The following MASP1 variants were observed in gnomAD, a reference collection of about 807,000 sequenced individuals.
The protein encoded by MASP1 is MBL associated serine protease 1, also known as mannan-binding lectin serine protease 1.
A neutral mutation model predicts 77.1 loss-of-function variants in MASP1; 59 were observed. The ratio of observed to expected loss-of-function variants is 0.77; its 90% CI spans 0.62 to 0.95. MASP1 has a LOEUF of 0.95. MASP1 is among the 40% of genes least tolerant of loss of function. MASP1 has a pLI of 0.00. For missense variants in MASP1, 885 were observed against 912.9 expected (o/e 0.97, Z 0.39); for synonymous variants, 362 against 354.5 (o/e 1.02, Z -0.24).
At chr3:187,253,397 A>T (rs1354661090) in intron 5 of MASP1, 82 bp from the exon 6 acceptor site, 9 of 1,422,064 alleles carry the variant, frequency 6.3e-6, no homozygotes, top group Non-Finnish European at 8.9e-6. Context: ...ACACCTCTCC[A>T]CTGCACTCTG....
chr3:187,224,340 ATTT>A (rs1181826969), intron 13 of MASP1, among the ~76,000 whole-genome samples: 3 of 102,046 alleles, frequency 2.9e-5, no homozygotes, highest in African/African-American at 3.9e-5. Flanking sequence ...TGTGCTGAGT[ATTT>A]TTTTTTTTTT....
intron 2 of MASP1, among the ~76,000 whole-genome samples, chr3:187,264,486 A>T (rs1560023212): frequency 6.6e-6 from 1 of 152,128 alleles, no homozygotes; most frequent in Non-Finnish European, 1.5e-5. Flanking sequence ...AAAAAAAAAA[A>T]AGTACTTTAA....
Position 187,235,006 on chromosome 3 carries a change from C to G in MASP1, c.*678G>C, listed in dbSNP as rs943838249. 1.6e-5 allele frequency: 20 copies of G among 1,287,244 alleles called. No homozygotes were observed. The highest frequency in any genetic ancestry group is 2.0e-5 in the Non-Finnish European group (20 of 988,692). The allele number at this position is 1,287,244 out of a possible 1,614,324, so 79.7% of individuals were successfully genotyped here. A position where few individuals can be genotyped will look rare whatever the true frequency, so the allele number is the denominator to read the frequency against. Reference sequence around the variant, plus strand: ...GCTATTCTGCTCCCAGCAGTCAGCACAAACCTTCCCAACTTTCTCCATGTC... The same window carrying G: ...GCTATTCTGCTCCCAGCAGTCAGCAGAAACCTTCCCAACTTTCTCCATGTC... On this transcript the variant is annotated 3_prime_UTR_variant, in exon 11 of 11. Coordinates refer to ENST00000296280, the MANE Select transcript of MASP1 (RefSeq NM_139125.4).
At chr3:187,227,993 A>G (rs1310275498) in intron 11 of MASP1, among the ~76,000 whole-genome samples, 4 of 152,106 alleles carry the variant, frequency 2.6e-5, no homozygotes, top group Non-Finnish European at 5.9e-5. Context: ...CAGGAGGGAG[A>G]CAGAAATGAT....
At chr3:187,248,256 T>C (rs913681210) in intron 8 of MASP1, among the ~76,000 whole-genome samples, 3 of 152,188 alleles carry the variant, frequency 2.0e-5, no homozygotes, top group African/African-American at 7.2e-5. Context: ...TATTAATGTT[T>C]CCTACTTTCC....
intron 2 of MASP1, 129 bp downstream of exon 2, chr3:187,285,696 G>A: frequency 2.6e-6 from 2 of 784,228 alleles, no homozygotes; most frequent in Admixed American, 4.0e-5. Flanking sequence ...ACCTTGACCT[G>A]AATTCATACC....
intron 2 of MASP1, among the ~76,000 whole-genome samples, chr3:187,280,316 G>A (rs1717307014): frequency 6.6e-6 from 1 of 152,216 alleles, no homozygotes; most frequent in African/African-American, 2.4e-5. Flanking sequence ...ACATAAACAT[G>A]TCACAGATGC....
intron 5 of MASP1, among the ~76,000 whole-genome samples, chr3:187,255,015 G>C (rs941985796): frequency 1.3e-5 from 2 of 152,074 alleles, no homozygotes; most frequent in African/African-American, 4.8e-5. Context: ...ATTCTAGGGT[G>C]GTCCTCCTGA....
At position 187,243,486 on chromosome 3, in the gene MASP1, G is replaced by C. The variant is rs1294798412; in HGVS notation, c.1226C>G (p.Thr409Arg). 4.3e-6 allele frequency: 7 copies of C among 1,614,034 alleles called. No homozygotes were observed. In the Admixed American group the frequency reaches 1.0e-4, roughly 23 times the overall value. ...EPYYKMLNNN[T>R]GIYTCSAQGV... ...ATGGCTTAGCATGGATGGCTTACCT[G>C]TGTTATTGTTGAGCATCTTGTAATA... The change falls in exon 9 of 11, where the codon ACA (threonine) becomes AGA (arginine). Residue 409 changes from threonine (T) to arginine (R), a missense_variant and splice_region_variant. Physicochemically the swap from Thr to Arg is moderately conservative, Grantham distance 71 (BLOSUM62 -1). Transcript: ENST00000296280.
At chr3:187,248,763 G>T (rs560991909) in intron 8 of MASP1, among the ~76,000 whole-genome samples, 1 of 152,178 alleles carries the variant, frequency 6.6e-6, no homozygotes, top group South Asian at 2.1e-4. Context: ...GAAACATTTT[G>T]TTAAAGTCAT....
At chr3:187,233,097 A>T (rs142940218), downstream of MASP1, among the ~76,000 whole-genome samples, 1 of 152,252 alleles carries the variant, frequency 6.6e-6, no homozygotes, top group East Asian at 1.9e-4. Flanking sequence ...GGTCTGCACC[A>T]TCCCTCATCA....
chr3:187,275,833 A>G (rs893926855), intron 2 of MASP1, among the ~76,000 whole-genome samples: 2 of 138,968 alleles, frequency 1.4e-5, no homozygotes, highest in African/African-American at 5.5e-5. Flanking sequence ...TCCAGGGCAC[A>G]GTTTTCACAA....
At position 187,273,191 on chromosome 3, in the gene MASP1, G is replaced by A. The variant is rs538616253; in HGVS notation, c.238-10471C>T. On this transcript the variant is annotated intron_variant, in intron 2 of 10. Coordinates refer to ENST00000296280, the MANE Select transcript of MASP1 (RefSeq NM_139125.4). ...TCCATTTCACTCCTTTCCTAATCTC[G>A]CTGAAGCCATCAGCAGTGGTTTCCC... Among the ~76,000 whole-genome samples, 15 of 152,212 alleles carry A rather than the reference G, an allele frequency of 9.9e-5. No homozygotes were observed. In the South Asian group the frequency reaches 2.5e-3, roughly 25 times the overall value.
rs1419018248 is a variant in MASP1 at position 187,235,036 on chromosome 3, G to A, written c.*648C>T. Reference sequence around the variant, plus strand: ...CTTCCCAACTTTCTCCATGTCTTTTGAAATTCCTTTAATGGGGAACATAAG... The same window carrying A: ...CTTCCCAACTTTCTCCATGTCTTTTAAAATTCCTTTAATGGGGAACATAAG... On this transcript the variant is annotated 3_prime_UTR_variant, in exon 11 of 11. Coordinates refer to ENST00000296280, the MANE Select transcript of MASP1 (RefSeq NM_139125.4). The A allele has an allele frequency of 1.6e-6, 2 of 1,287,114 alleles. No individual in the cohort carries two copies. Among genetic ancestry groups the A allele is most frequent in the Non-Finnish European group, 1.0e-6 (1 of 988,710 alleles). The allele number at this position is 1,287,114 out of a possible 1,614,324, so 79.7% of individuals were successfully genotyped here.
In MASP1 at chr3:187,256,842, A is replaced by G. The variant is rs372743245; in HGVS notation, c.566T>C (p.Leu189Pro). Residue 189 changes from leucine to proline, a missense_variant, in exon 5 of 11, where the codon CTC becomes CCC. Leu to Pro is a moderately conservative substitution (Grantham distance 98). Transcript: ENST00000296280. ...RTCRVECSDNLFTQRTGVITS... is the reference protein window; with the variant it reads ...RTCRVECSDNPFTQRTGVITS... Reference sequence around the variant, plus strand: ...GATCACCCCAGTCCTTTGAGTGAAGAGGTTGTCACTGCACTCCACTGTTGG... The same window carrying G: ...GATCACCCCAGTCCTTTGAGTGAAGGGGTTGTCACTGCACTCCACTGTTGG... 1.4e-5 allele frequency: 22 copies of G among 1,613,778 alleles called. No individual in the cohort carries two copies. The highest frequency in any genetic ancestry group is 1.9e-5 in the Non-Finnish European group (22 of 1,179,946).
chr3:187,242,608 C>T (rs913729479), intron 9 of MASP1: 5 of 152,410 alleles, frequency 3.3e-5, no homozygotes, highest in African/African-American at 1.2e-4. Context: ...CCGATGGGCC[C>T]TCCTTTCTCC....
downstream of MASP1, among the ~76,000 whole-genome samples, chr3:187,230,305 C>T (rs1359238121): frequency 7.9e-5 from 12 of 152,142 alleles, no homozygotes; most frequent in Non-Finnish European, 1.5e-4. Flanking sequence ...CCAGATCTGC[C>T]AACAATCACT....
chr3:187,266,736 C>G (rs1716058426), intron 2 of MASP1, among the ~76,000 whole-genome samples: 1 of 152,144 alleles, frequency 6.6e-6, no homozygotes, highest in East Asian at 1.9e-4. Context: ...TAAGGAGAAG[C>G]CAAGAGGCTT....
chr3:187,271,521 A>C (rs1175829269), intron 2 of MASP1, among the ~76,000 whole-genome samples: 1 of 152,256 alleles, frequency 6.6e-6, no homozygotes, highest in Non-Finnish European at 1.5e-5. Context: ...AGGCAATATT[A>C]AGTGAAAAAG....
Sources: gnomAD v4.1 joint callset for allele counts (sites outside exome capture counted in the v4.1 genomes callset) on GRCh38, gnomAD v4.1.1 for gene constraint, MANE v1.5 for transcripts, NCBI Gene and HGNC (gene_info 2026-07-23, HGNC 2026-07-21) for gene names.